Variants in DLG2 observed in about 807,000 individuals in gnomAD.
The protein encoded by DLG2 is disks large homolog 2.
Under a neutral mutation model 132.5 loss-of-function variants are expected in DLG2, and 45 were observed. That is an observed-to-expected ratio of 0.34 (90% CI 0.27 to 0.44). The LOEUF (loss-of-function observed/expected upper bound fraction) is 0.44, where lower values mean the gene tolerates loss of function less well. Ranked by LOEUF, DLG2 falls within the 20% of genes least tolerant of loss-of-function variation. The pLI, the probability that DLG2 is intolerant of heterozygous loss-of-function variation, is 1.00. For missense variants in DLG2, 1,045 were observed against 1,196.9 expected (o/e 0.87, Z 1.87); for synonymous variants, 424 against 419.6 (o/e 1.01, Z -0.13).
intron 14 of DLG2, among the ~76,000 whole-genome samples, chr11:83,931,580 T>C (rs2080231698): frequency 6.6e-6 from 1 of 152,224 alleles, no homozygotes; most frequent in Admixed American, 6.5e-5. Context: ...GGTTATATTG[T>C]ATTTAACTGA....
At chr11:83,977,698 G>T (rs2092397592) in intron 12 of DLG2, among the ~76,000 whole-genome samples, 1 of 152,050 alleles carries the variant, frequency 6.6e-6, no homozygotes. Flanking sequence ...GTTCTTAACA[G>T]ACTACTGTGC....
intron 6 of DLG2, among the ~76,000 whole-genome samples, chr11:84,757,775 C>T (rs147089109): frequency 6.6e-6 from 1 of 152,164 alleles, no homozygotes; most frequent in African/African-American, 2.4e-5. Flanking sequence ...ATGTTTCCCA[C>T]CATGCCATGT....
Position 83,559,559 on chromosome 11 carries a change from C to T in DLG2, c.1941-17701G>A, listed in dbSNP as rs189840198. 2.8e-3 allele frequency among the ~76,000 whole-genome samples: 430 copies of T among 152,238 alleles called. 2 individuals carry two copies. The highest frequency in any genetic ancestry group is 0.01 in the Middle Eastern group (3 of 294). On this transcript the variant is annotated intron_variant, in intron 19 of 27. Transcript: ENST00000376104. ...TAAGTTATTGGTCCACAGTTGATCA[C>T]GGAAGCCATGTTTGGCCATTTATCC...
chr11:84,300,567 T>C (rs955000566), intron 7 of DLG2, among the ~76,000 whole-genome samples: 6 of 152,114 alleles, frequency 3.9e-5, no homozygotes, highest in Non-Finnish European at 7.4e-5. Context: ...TCCTTCCTAC[T>C]TTCCTTCCTT....
At chr11:85,202,502 A>C (rs545293845) in intron 4 of DLG2, among the ~76,000 whole-genome samples, 1 of 152,278 alleles carries the variant, frequency 6.6e-6, no homozygotes, top group African/African-American at 2.4e-5. Context: ...TAGAAAAATC[A>C]ACAAGGAAAC....
At chr11:83,541,094 T>C (rs947480927) in intron 20 of DLG2, among the ~76,000 whole-genome samples, 1 of 151,908 alleles carries the variant, frequency 6.6e-6, no homozygotes, top group Non-Finnish European at 1.5e-5. Context: ...CTATTGGAAG[T>C]TGTGAGGTGG....
chr11:84,809,041 C>T (rs1025674581), intron 6 of DLG2, among the ~76,000 whole-genome samples: 1 of 151,842 alleles, frequency 6.6e-6, no homozygotes, highest in African/African-American at 2.4e-5. Flanking sequence ...CCACAAATCC[C>T]TTAAAATTAG....
intron 7 of DLG2, among the ~76,000 whole-genome samples, chr11:84,332,665 T>G (rs2098466436): frequency 6.6e-6 from 1 of 152,100 alleles, no homozygotes; most frequent in Non-Finnish European, 1.5e-5. Flanking sequence ...TTTAAACAGC[T>G]AATGTGTAGG....
At chr11:84,427,571 T>A (rs1008965104) in intron 7 of DLG2, among the ~76,000 whole-genome samples, 1 of 152,152 alleles carries the variant, frequency 6.6e-6, no homozygotes, top group South Asian at 2.1e-4. Flanking sequence ...AAAAAATATA[T>A]AGGAAAGTCA....
intron 2 of DLG2, among the ~76,000 whole-genome samples, chr11:85,611,716 A>C (rs1376861265): frequency 6.6e-6 from 1 of 152,264 alleles, no homozygotes; most frequent in Non-Finnish European, 1.5e-5. Context: ...CTAATCCTAC[A>C]TGCCTATGCT....
At chr11:84,300,141 T>C (rs1325300722) in intron 7 of DLG2, among the ~76,000 whole-genome samples, 1 of 152,128 alleles carries the variant, frequency 6.6e-6, no homozygotes, top group Admixed American at 6.5e-5. Flanking sequence ...TATGTAAACA[T>C]ACTAAAATAG....
chr11:84,899,118 G>T (rs2154069295), intron 6 of DLG2, among the ~76,000 whole-genome samples: 1 of 152,064 alleles, frequency 6.6e-6, no homozygotes, highest in South Asian at 2.1e-4. Flanking sequence ...TCTATAAAGA[G>T]AATTAAATAA....
At chr11:84,241,896 G>A (rs2097232337) in intron 8 of DLG2, among the ~76,000 whole-genome samples, 1 of 152,184 alleles carries the variant, frequency 6.6e-6, no homozygotes. Context: ...GCTTTGGGGA[G>A]GAGCTGGAGA....
chr11:83,463,969 T>A (rs1340382904), intron 26 of DLG2, among the ~76,000 whole-genome samples: 1 of 152,252 alleles, frequency 6.6e-6, no homozygotes, highest in Non-Finnish European at 1.5e-5. Context: ...GCGAAGACCA[T>A]GGCTTGTTTG....
intron 22 of DLG2, among the ~76,000 whole-genome samples, chr11:83,474,761 A>T (rs1017158885): frequency 6.6e-6 from 1 of 152,128 alleles, no homozygotes; most frequent in African/African-American, 2.4e-5. Flanking sequence ...TGTTTCTGTC[A>T]ATATGGTCAT....
intron 6 of DLG2, among the ~76,000 whole-genome samples, chr11:84,858,105 C>G (rs1463432944): frequency 6.6e-6 from 1 of 152,008 alleles, no homozygotes. Context: ...GCTGCCCAGG[C>G]TGGTCATGAA....
intron 3 of DLG2, among the ~76,000 whole-genome samples, chr11:85,590,031 C>A (rs1381585718): frequency 5.9e-5 from 9 of 152,056 alleles, no homozygotes; most frequent in African/African-American, 1.9e-4. Flanking sequence ...ATCCAAATAA[C>A]CATTTACTTC....
intron 3 of DLG2, among the ~76,000 whole-genome samples, chr11:85,465,788 C>T (rs1269310419): frequency 2.0e-5 from 3 of 151,930 alleles, no homozygotes; most frequent in African/African-American, 4.8e-5. Context: ...GTCTTTATAG[C>T]AGCATGATTT....
intron 19 of DLG2, among the ~76,000 whole-genome samples, chr11:83,574,533 C>T (rs2096845365): frequency 2.0e-5 from 3 of 152,052 alleles, no homozygotes; most frequent in Admixed American, 2.0e-4. Flanking sequence ...CTCAAGTCAC[C>T]TTTGTAAGTG....
Sources: allele counts gnomAD v4.1 joint callset (sites outside exome capture counted in the v4.1 genomes callset), GRCh38; gene constraint gnomAD v4.1.1; transcripts MANE v1.5; gene names NCBI Gene and HGNC (gene_info 2026-07-23, HGNC 2026-07-21).